The following POU2F1 variants were observed in gnomAD, a reference collection of about 807,000 sequenced individuals.
POU2F1 encodes POU class 2 homeobox 1.
Under a neutral mutation model 84.9 loss-of-function variants are expected in POU2F1, and 16 were observed. The ratio of observed to expected loss-of-function variants is 0.19; its 90% CI spans 0.13 to 0.29. The LOEUF is 0.29. POU2F1 is among the 10% of genes least tolerant of loss of function. The pLI is 1.00. For missense variants in POU2F1, 738 were observed against 942.6 expected, an observed-to-expected ratio of 0.78 and a Z score of 2.84; for synonymous variants, 368 against 368.3, an observed-to-expected ratio of 1.00 and a Z score of 0.01.
At chr1:167,386,096 G>A (rs556029712) in intron 8 of POU2F1, among the ~76,000 whole-genome samples, 1 of 152,278 alleles carries the variant, frequency 6.6e-6, no homozygotes, top group South Asian at 2.1e-4. Flanking sequence ...ACAAAACCAA[G>A]TGTTGGCAAG....
At chr1:167,267,276 T>G (rs1652034129) in intron 1 of POU2F1, among the ~76,000 whole-genome samples, 1 of 151,768 alleles carries the variant, frequency 6.6e-6, no homozygotes, top group African/African-American at 2.4e-5. Flanking sequence ...TACCAAACTA[T>G]ATATGCAAGA....
intron 1 of POU2F1, among the ~76,000 whole-genome samples, chr1:167,268,760 G>A (rs1265178500): frequency 1.3e-5 from 2 of 152,156 alleles, no homozygotes; most frequent in Admixed American, 6.5e-5. Flanking sequence ...GGAGAGCAAT[G>A]CACACCGAGT....
At chr1:167,229,828 T>C (rs910170493) in intron 1 of POU2F1, among the ~76,000 whole-genome samples, 5 of 152,218 alleles carry the variant, frequency 3.3e-5, no homozygotes, top group Non-Finnish European at 5.9e-5. Flanking sequence ...TGGACACTCC[T>C]AATACTCTTC....
intron 3 of POU2F1, among the ~76,000 whole-genome samples, chr1:167,369,485 A>G (rs1029384819): frequency 1.3e-5 from 2 of 152,164 alleles, no homozygotes; most frequent in African/African-American, 4.8e-5. Flanking sequence ...TGCCTAAATC[A>G]TAGTTATTAT....
chr1:167,290,808 A>AG (rs922889630), intron 1 of POU2F1, among the ~76,000 whole-genome samples: 5 of 152,310 alleles, frequency 3.3e-5, no homozygotes, highest in South Asian at 2.1e-4. Context: ...TGGGAAGTGA[A>AG]GGGGGGAGGA....
At chr1:167,398,180 A>G in intron 11 of POU2F1, 47 bp downstream of exon 11, 1 of 1,591,856 alleles carries the variant, frequency 6.3e-7, no homozygotes. Flanking sequence ...TCTGTGTAGT[A>G]CTTAACATTA....
chr1:167,399,809 G>A (rs1241345567), intron 12 of POU2F1, among the ~76,000 whole-genome samples: 1 of 151,162 alleles, frequency 6.6e-6, no homozygotes, highest in Non-Finnish European at 1.5e-5. Context: ...GAGTAGCTGG[G>A]ATTATAGACG....
intron 11 of POU2F1, among the ~76,000 whole-genome samples, chr1:167,398,452 G>A (rs1484342498): frequency 4.6e-5 from 7 of 152,080 alleles, no homozygotes; most frequent in East Asian, 1.9e-4. Flanking sequence ...ATGCATGAGC[G>A]TTTCCCCCTC....
intron 1 of POU2F1, among the ~76,000 whole-genome samples, chr1:167,283,087 A>G (rs1557867256): frequency 6.6e-6 from 1 of 152,326 alleles, no homozygotes; most frequent in East Asian, 1.9e-4. Flanking sequence ...AGGACAGATT[A>G]TTTGATATTG....
chr1:167,364,478 C>T (rs1434218387), intron 2 of POU2F1, among the ~76,000 whole-genome samples: 1 of 108,278 alleles, frequency 9.2e-6, no homozygotes, highest in Non-Finnish European at 1.8e-5. Context: ...TGCAGTGAGC[C>T]GAGATCCCGC....
chr1:167,340,447 T>C (rs1657768879), intron 2 of POU2F1, among the ~76,000 whole-genome samples: 1 of 148,206 alleles, frequency 6.7e-6, no homozygotes, highest in Admixed American at 6.7e-5. Context: ...TTTTTTTTTT[T>C]TGGAGACAGA....
intron 1 of POU2F1, among the ~76,000 whole-genome samples, chr1:167,306,366 A>G (rs562215120): frequency 6.6e-6 from 1 of 152,362 alleles, no homozygotes; most frequent in South Asian, 2.1e-4. Flanking sequence ...CCTGTGGATT[A>G]AAAAGCATGG....
intron 1 of POU2F1, among the ~76,000 whole-genome samples, chr1:167,232,156 AT>A (rs1308098189): frequency 6.6e-6 from 1 of 152,132 alleles, no homozygotes; most frequent in Non-Finnish European, 1.5e-5. Flanking sequence ...TGTATTTTTA[AT>A]TTGCATGTGA....
At chr1:167,243,603 G>A (rs1354320266) in intron 1 of POU2F1, among the ~76,000 whole-genome samples, 1 of 152,164 alleles carries the variant, frequency 6.6e-6, no homozygotes, top group African/African-American at 2.4e-5. Flanking sequence ...AGCCTCCCGA[G>A]TAGCTGGGAT....
intron 6 of POU2F1, among the ~76,000 whole-genome samples, chr1:167,375,746 C>G (rs1460385507): frequency 2.0e-5 from 3 of 152,088 alleles, no homozygotes; most frequent in Admixed American, 6.5e-5. Context: ...TGATAAAAAA[C>G]AGAAGTATAT....
intron 2 of POU2F1, among the ~76,000 whole-genome samples, chr1:167,337,233 G>A (rs1200092078): frequency 6.6e-6 from 1 of 151,768 alleles, no homozygotes; most frequent in African/African-American, 2.4e-5. Flanking sequence ...GGAAGAGGTG[G>A]AAGAATCACC....
chr1:167,416,329 T>C lies in POU2F1; in HGVS notation c.*519T>C, dbSNP rs1650321242. On this transcript the variant is annotated 3_prime_UTR_variant, in exon 16 of 16. Transcript: ENST00000367866. ...GTGTTTATAATCGTATCAATTGTGTTGGGGGTTCCTTTCTTAACTGGTACA... is the reference window on the plus strand; with the variant it reads ...GTGTTTATAATCGTATCAATTGTGTCGGGGGTTCCTTTCTTAACTGGTACA... 1.3e-5 allele frequency: 3 copies of C among 231,848 alleles called. No individual in the cohort carries two copies. The South Asian group carries it at 1.6e-4, about 12-fold the overall frequency. The allele number at this position is 231,848 out of a possible 1,614,324, so 14.4% of individuals were successfully genotyped here. A position where few individuals can be genotyped will look rare whatever the true frequency, so the allele number is the denominator to read the frequency against.
At chr1:167,233,816 G>A (rs528662075) in intron 1 of POU2F1, among the ~76,000 whole-genome samples, 1 of 152,280 alleles carries the variant, frequency 6.6e-6, no homozygotes, top group African/African-American at 2.4e-5. Flanking sequence ...TTAGTGACAA[G>A]TCCACAGTTG....
intron 2 of POU2F1, among the ~76,000 whole-genome samples, chr1:167,365,110 T>C (rs1659602030): frequency 6.6e-6 from 1 of 152,232 alleles, no homozygotes; most frequent in Non-Finnish European, 1.5e-5. Flanking sequence ...ACATATCAAG[T>C]AGGCTGAAAA....
Sources: gnomAD v4.1 joint callset for allele counts (sites outside exome capture counted in the v4.1 genomes callset) on GRCh38, gnomAD v4.1.1 for gene constraint, MANE v1.5 for transcripts, NCBI Gene and HGNC (gene_info 2026-07-23, HGNC 2026-07-21) for gene names.